ATL1: variants seen among roughly 807,000 people sequenced by gnomAD.
The protein encoded by ATL1 is atlastin-1.
ATL1 carries 31 observed loss-of-function variants against 75.5 expected under a neutral mutation model. The observed-to-expected ratio is 0.41, with a 90% CI of 0.31 to 0.55. ATL1 has a LOEUF of 0.55. Ranked by LOEUF, ATL1 falls within the 20% of genes least tolerant of loss-of-function variation. ATL1 has a pLI of 0.27. For synonymous variants in ATL1, 226 were observed against 233.3 expected, an observed-to-expected ratio of 0.97 and a Z score of 0.28; for missense variants, 405 against 662.6, an observed-to-expected ratio of 0.61 and a Z score of 4.27.
chr14:50,538,061 A>G (rs2038516191), intron 1 of ATL1, among the ~76,000 whole-genome samples: 1 of 152,194 alleles, frequency 6.6e-6, no homozygotes, highest in Non-Finnish European at 1.5e-5. Flanking sequence ...GTGCCCACCC[A>G]CATCTCATCT....
At chr14:50,625,735 C>G (rs2039512710) in intron 11 of ATL1, among the ~76,000 whole-genome samples, 1 of 151,946 alleles carries the variant, frequency 6.6e-6, no homozygotes, top group African/African-American at 2.4e-5. Flanking sequence ...ACGGTAAAAC[C>G]CCGTCTCTAC....
chr14:50,631,420 T>C (rs2039579722), intron 13 of ATL1, among the ~76,000 whole-genome samples: 1 of 152,162 alleles, frequency 6.6e-6, no homozygotes, highest in Admixed American at 6.5e-5. Context: ...AAAGACTCTT[T>C]ACGAACTCCA....
At chr14:50,595,727 A>T in intron 6 of ATL1, 95 bp downstream of exon 6, 1 of 1,225,592 alleles carries the variant, frequency 8.2e-7, no homozygotes. Context: ...TTCTCTTTTT[A>T]TTTCATTGAG....
chr14:50,621,810 T>C (rs2039469175), intron 9 of ATL1, 33 bp from the exon 10 acceptor site: 1 of 1,345,790 alleles, frequency 7.4e-7, no homozygotes, highest in Non-Finnish European at 1.1e-6. Context: ...TGAATGGAAT[T>C]GCTTGAACAT....
At chr14:50,590,446 C>A (rs1472230114) in intron 2 of ATL1, among the ~76,000 whole-genome samples, 1 of 151,888 alleles carries the variant, frequency 6.6e-6, no homozygotes, top group Non-Finnish European at 1.5e-5. Context: ...ATGCTCCCTA[C>A]TTCCTTCCTT....
At chr14:50,626,746 T>C (rs906427631) in intron 11 of ATL1, among the ~76,000 whole-genome samples, 1 of 152,334 alleles carries the variant, frequency 6.6e-6, no homozygotes, top group East Asian at 1.9e-4. Context: ...TATTTCTTTA[T>C]GCTAGGAACA....
intron 1 of ATL1, among the ~76,000 whole-genome samples, chr14:50,566,812 G>A (rs1054846484): frequency 6.6e-6 from 1 of 151,852 alleles, no homozygotes; most frequent in Non-Finnish European, 1.5e-5. Context: ...GTATTTAAAC[G>A]TAGTCCATTT....
At position 50,595,546 on chromosome 14, in the gene ATL1, G is replaced by A. The variant is rs4993308; in HGVS notation, c.574-30G>A. ...TCTCTCTCTCTCTCTCTCTCTCTGT[G>A]TATGTGTGTGTGTGTAATTTTTTTT... On this transcript the variant is annotated intron_variant, in intron 5 of 13. Transcript: ENST00000358385. 82 of 1,602,036 alleles carry A rather than the reference G, an allele frequency of 5.1e-5. No individual in the cohort carries two copies. Among genetic ancestry groups the A allele is most frequent in the Non-Finnish European group, 6.8e-5 (79 of 1,170,040 alleles).
intron 1 of ATL1, among the ~76,000 whole-genome samples, chr14:50,549,921 C>T (rs1046640048): frequency 2.6e-5 from 4 of 152,202 alleles, no homozygotes; most frequent in Non-Finnish European, 5.9e-5. Context: ...GTAAAATATG[C>T]GCCGCAAACT....
intron 11 of ATL1, among the ~76,000 whole-genome samples, chr14:50,623,502 G>T (rs1023942278): frequency 1.3e-5 from 2 of 151,268 alleles, no homozygotes; most frequent in African/African-American, 4.9e-5. Context: ...TGGGGGGAGC[G>T]CCAGGTCTTT....
intron 6 of ATL1, among the ~76,000 whole-genome samples, chr14:50,610,635 C>T (rs1281127005): frequency 6.6e-6 from 1 of 152,004 alleles, no homozygotes; most frequent in African/African-American, 2.4e-5. Context: ...GAGTACAGAG[C>T]AGAGTGTAAA....
At chr14:50,560,800 G>A (rs527471990) in intron 1 of ATL1, among the ~76,000 whole-genome samples, 4 of 152,174 alleles carry the variant, frequency 2.6e-5, no homozygotes, top group African/African-American at 7.2e-5. Context: ...CGGGCGGCGC[G>A]CTGGAACAAT....
chr14:50,625,918 A>G (rs1042239333), intron 11 of ATL1, among the ~76,000 whole-genome samples: 1 of 149,708 alleles, frequency 6.7e-6, no homozygotes, highest in African/African-American at 2.6e-5. Context: ...AAAAAAGAAA[A>G]AAAAAATCAT....
At chr14:50,604,094 T>TA (rs5808560) in intron 6 of ATL1, among the ~76,000 whole-genome samples, 28 of 151,938 alleles carry the variant, frequency 1.8e-4, no homozygotes, top group African/African-American at 5.1e-4. Context: ...TACAGTTCTA[T>TA]AAAAAAACTA....
chr14:50,550,878 G>T (rs187208402), intron 1 of ATL1, among the ~76,000 whole-genome samples: 30 of 152,152 alleles, frequency 2.0e-4, no homozygotes, highest in Non-Finnish European at 3.5e-4. Context: ...TATCAAAACC[G>T]CTGGGATACA....
At chr14:50,538,823 A>T (rs2038525853) in intron 1 of ATL1, among the ~76,000 whole-genome samples, 1 of 152,134 alleles carries the variant, frequency 6.6e-6, no homozygotes, top group South Asian at 2.1e-4. Flanking sequence ...TTATTTATTT[A>T]TTAGAGATGG....
chr14:50,568,650 G>A (rs1397639936), intron 1 of ATL1, among the ~76,000 whole-genome samples: 3 of 152,238 alleles, frequency 2.0e-5, no homozygotes, highest in African/African-American at 7.2e-5. Context: ...TGATTGGAGA[G>A]TTTATATCTG....
chr14:50,572,955 G>A (rs927164688), intron 1 of ATL1, among the ~76,000 whole-genome samples: 15 of 152,122 alleles, frequency 9.9e-5, no homozygotes, highest in African/African-American at 2.7e-4. Flanking sequence ...ATAAGGGGAC[G>A]CAAACACATC....
At position 50,554,382 on chromosome 14, in the gene ATL1, C is replaced by T. The variant is rs960544352; in HGVS notation, c.-139-5745C>T. ...TTGTATACTGTAGATGTGGCTTGTACGCACAAGCCATGGCTATACTTTATA... is the reference window on the plus strand; with the variant it reads ...TTGTATACTGTAGATGTGGCTTGTATGCACAAGCCATGGCTATACTTTATA... On this transcript the variant is annotated intron_variant, in intron 1 of 13. Transcript: ENST00000441560. Among the ~76,000 whole-genome samples, 9 of 152,118 alleles carry T rather than the reference C, an allele frequency of 5.9e-5. No individual in the cohort carries two copies. The East Asian group carries it at 7.7e-4, about 13-fold the overall frequency.
Sources: allele counts gnomAD v4.1 joint callset (sites outside exome capture counted in the v4.1 genomes callset), GRCh38; gene constraint gnomAD v4.1.1; transcripts MANE v1.5; gene names NCBI Gene and HGNC (gene_info 2026-07-23, HGNC 2026-07-21).